MSI2: variants seen among roughly 807,000 people sequenced by gnomAD.
The protein encoded by MSI2 is RNA-binding protein Musashi homolog 2.
Under a neutral mutation model 45.6 loss-of-function variants are expected in MSI2, and 17 were observed. That is an observed-to-expected ratio of 0.37 (90% confidence interval 0.26 to 0.56). The LOEUF is 0.56. Among genes scored for constraint, MSI2 ranks in the 20% least tolerant of loss-of-function variants. The pLI is 0.77. For missense variants in MSI2, 293 were observed against 444.2 expected, an observed-to-expected ratio of 0.66 and a Z score of 3.06; for synonymous variants, 156 against 158.2, an observed-to-expected ratio of 0.99 and a Z score of 0.11.
chr17:57,583,624 C>T (rs1049906695), intron 7 of MSI2, among the ~76,000 whole-genome samples: 3 of 151,838 alleles, frequency 2.0e-5, no homozygotes, highest in South Asian at 4.2e-4. Flanking sequence ...CGTGCCACGA[C>T]GTCAGGCTAA....
chr17:57,516,195 G>GTT (rs1385312074), intron 6 of MSI2, among the ~76,000 whole-genome samples: 1 of 152,112 alleles, frequency 6.6e-6, no homozygotes, highest in Non-Finnish European at 1.5e-5. Flanking sequence ...CTCCTTAATA[G>GTT]TTACACCCTG....
rs543505225 is a variant in MSI2, at chr17:57,657,165, G to A, written c.790+5004G>A. 5.3e-5 allele frequency among the ~76,000 whole-genome samples: 8 copies of A among 152,334 alleles called. 1 individual carries two copies. In the East Asian group the frequency reaches 1.5e-3, roughly 29 times the overall value. ...AGATAGAGCAAAATGGTAGCGCTGT[G>A]GAAAGAATGTACCATGCTGTGGAAA... On this transcript the variant is annotated intron_variant, in intron 11 of 13. Coordinates refer to ENST00000284073, the MANE Select transcript of MSI2 (RefSeq NM_138962.4).
chr17:57,591,645 T>C (rs1233550528), intron 7 of MSI2, among the ~76,000 whole-genome samples: 1 of 151,134 alleles, frequency 6.6e-6, no homozygotes, highest in Non-Finnish European at 1.5e-5. Flanking sequence ...GAGGATTGCT[T>C]AAGCTTGGGA....
At chr17:57,644,479 G>A (rs964983960) in intron 10 of MSI2, among the ~76,000 whole-genome samples, 6 of 152,118 alleles carry the variant, frequency 3.9e-5, no homozygotes, top group Non-Finnish European at 8.8e-5. Context: ...CAGCCCTGTC[G>A]CATCAGGCTG....
At position 57,680,944 on chromosome 17, in the gene MSI2, T is replaced by G. The variant is rs1193703011; in HGVS notation, c.*1427T>G. 7.1e-5 allele frequency: 14 copies of G among 196,458 alleles called. No homozygotes were observed. Among genetic ancestry groups the G allele is most frequent in the Admixed American group, 1.2e-4 (2 of 16,432 alleles). The allele number at this position is 196,458 out of a possible 1,614,324, so 12.2% of individuals were successfully genotyped here. A position where few individuals can be genotyped will look rare whatever the true frequency, so the allele number is the denominator to read the frequency against. On this transcript the variant is annotated 3_prime_UTR_variant, in exon 14 of 14. Transcript: ENST00000284073. ...CCAGGAGTGGATAAGCCTGCATTAA[T>G]ACAACCTTTCTCCATTCACTTTCTA... is the stretch of plus-strand genomic sequence containing the variant.
At chr17:57,328,056 T>G (rs998144745) in intron 5 of MSI2, among the ~76,000 whole-genome samples, 1 of 152,200 alleles carries the variant, frequency 6.6e-6, no homozygotes, top group Non-Finnish European at 1.5e-5. Context: ...TTCTTTCTTT[T>G]TATTAATTTC....
At chr17:57,472,284 T>C (rs2085452978) in intron 6 of MSI2, among the ~76,000 whole-genome samples, 2 of 152,214 alleles carry the variant, frequency 1.3e-5, no homozygotes. Flanking sequence ...GGCACACCTA[T>C]GCTCAGTCCA....
At chr17:57,339,290 A>G (rs1255399501) in intron 5 of MSI2, among the ~76,000 whole-genome samples, 3 of 152,136 alleles carry the variant, frequency 2.0e-5, no homozygotes, top group Non-Finnish European at 2.9e-5. Context: ...TCATCGTCTC[A>G]CGGATTGATT....
chr17:57,348,635 T>C (rs1384144969), intron 5 of MSI2, among the ~76,000 whole-genome samples: 1 of 152,158 alleles, frequency 6.6e-6, no homozygotes, highest in Non-Finnish European at 1.5e-5. Context: ...TCCGCCATGA[T>C]TAGAAGCTTC....
rs150666258 is a variant in MSI2 at position 57,563,707 on chromosome 17, G to C, written c.455-33161G>C. On this transcript the variant is annotated intron_variant, in intron 7 of 13. Transcript: ENST00000284073. ...TGACTGTCTGTCTGTCTGTCTGTCT[G>C]TCTCTCTCTCTCTTTCCCTCTCACA... Among the ~76,000 whole-genome samples, 910 of 145,512 alleles carry C rather than the reference G, an allele frequency of 6.3e-3. 11 individuals carry two copies. Among genetic ancestry groups the C allele is most frequent in the Middle Eastern group, 0.017 (5 of 288 alleles).
At chr17:57,626,723 C>G (rs926021262) in intron 9 of MSI2, 1 of 159,846 alleles carries the variant, frequency 6.3e-6, no homozygotes, top group Non-Finnish European at 1.4e-5. Context: ...TGGGCCATGG[C>G]TCATCAGGCC....
chr17:57,309,222 T>G lies in MSI2; in HGVS notation c.312+47030T>G, dbSNP rs1912166625. On this transcript the variant is annotated intron_variant, in intron 5 of 13. Coordinates refer to ENST00000284073, the MANE Select transcript of MSI2 (RefSeq NM_138962.4). ...CTATAGATCATCTATTCTACTGGGC[T>G]TAATCATCATAGGGGATTTTTGCCT... 3.3e-5 allele frequency among the ~76,000 whole-genome samples: 5 copies of G among 152,352 alleles called. 1 individual carries two copies. The South Asian group carries it at 1.0e-3, about 32-fold the overall frequency.
intron 11 of MSI2, among the ~76,000 whole-genome samples, chr17:57,666,660 T>G (rs941740412): frequency 1.3e-5 from 2 of 152,184 alleles, no homozygotes; most frequent in African/African-American, 2.4e-5. Flanking sequence ...TTAGCAGCAG[T>G]CTGTCATGCA....
chr17:57,589,349 G>C (rs1216855833), intron 7 of MSI2, among the ~76,000 whole-genome samples: 1 of 152,178 alleles, frequency 6.6e-6, no homozygotes, highest in Non-Finnish European at 1.5e-5. Context: ...GATCTTCTGA[G>C]TTATATTTTT....
intron 6 of MSI2, among the ~76,000 whole-genome samples, chr17:57,416,585 G>A (rs2084298496): frequency 6.6e-6 from 1 of 152,204 alleles, no homozygotes; most frequent in African/African-American, 2.4e-5. Flanking sequence ...TGACAAGGGT[G>A]TGTCCGCCCA....
intron 8 of MSI2, 89 bp downstream of exon 8, chr17:57,597,039 G>T (rs1320493807): frequency 7.3e-6 from 7 of 963,880 alleles, no homozygotes; most frequent in South Asian, 1.4e-5. Flanking sequence ...CCATCATCAG[G>T]CTGGAGTGGG....
At chr17:57,269,049 G>A (rs573074296) in intron 5 of MSI2, among the ~76,000 whole-genome samples, 4 of 152,292 alleles carry the variant, frequency 2.6e-5, no homozygotes, top group African/African-American at 9.6e-5. Context: ...GAAGAGGTAG[G>A]AACAGCATTT....
At position 57,568,668 on chromosome 17, in the gene MSI2, C is replaced by G. The variant is rs896105814; in HGVS notation, c.455-28200C>G. 2.6e-5 allele frequency among the ~76,000 whole-genome samples: 4 copies of G among 152,340 alleles called. No individual in the cohort carries two copies. In the South Asian group the frequency reaches 8.3e-4, roughly 32 times the overall value. ...CTGATAGAGGCCTTCACACTAAACCCGGTTTACTGCAAATGAGTGTTATTA... is the reference window on the plus strand; with the variant it reads ...CTGATAGAGGCCTTCACACTAAACCGGGTTTACTGCAAATGAGTGTTATTA... On this transcript the variant is annotated intron_variant, in intron 7 of 13. Transcript: ENST00000284073.
At chr17:57,492,165 A>G (rs2085885598) in intron 6 of MSI2, among the ~76,000 whole-genome samples, 1 of 152,232 alleles carries the variant, frequency 6.6e-6, no homozygotes, top group Non-Finnish European at 1.5e-5. Flanking sequence ...GTGTTCCTCT[A>G]GTAAAGCGAG....
Sources: gnomAD v4.1 joint callset for allele counts (sites outside exome capture counted in the v4.1 genomes callset) on GRCh38, gnomAD v4.1.1 for gene constraint, MANE v1.5 for transcripts, NCBI Gene and HGNC (gene_info 2026-07-23, HGNC 2026-07-21) for gene names.